BCL11B: variants seen among roughly 807,000 people sequenced by gnomAD.
BCL11B encodes the protein BCL11 transcription factor B.
A neutral mutation model predicts 49.9 loss-of-function variants in BCL11B; 8 were observed. The observed-to-expected ratio is 0.16, with a 90% CI of 0.09 to 0.29. The LOEUF (loss-of-function observed/expected upper bound fraction) is 0.29. Ranked by LOEUF, BCL11B falls within the 10% of genes least tolerant of loss-of-function variation. The pLI is 1.00. For missense variants in BCL11B, 1,006 were observed against 1,351.0 expected, an observed-to-expected ratio of 0.74 and a Z score of 4.00; for synonymous variants, 739 against 637.4, an observed-to-expected ratio of 1.16 and a Z score of -2.40.
At chr14:99,254,100 C>T (rs1171294850) in intron 2 of BCL11B, among the ~76,000 whole-genome samples, 1 of 152,182 alleles carries the variant, frequency 6.6e-6, no homozygotes, top group African/African-American at 2.4e-5. Flanking sequence ...GTTGGACGCC[C>T]GCTCCCTCCT....
At chr14:99,267,405 A>G (rs1889514572) in intron 1 of BCL11B, among the ~76,000 whole-genome samples, 1 of 152,190 alleles carries the variant, frequency 6.6e-6, no homozygotes, top group Non-Finnish European at 1.5e-5. Context: ...TCAGGTGTGA[A>G]TTACAAATGA....
At chr14:99,218,253 T>TTTTTTTTTTTTTTTC (rs1887910416) in intron 3 of BCL11B, among the ~76,000 whole-genome samples, 1 of 145,624 alleles carries the variant, frequency 6.9e-6, no homozygotes, top group Non-Finnish European at 1.5e-5. Context: ...TTTTTTTTTT[T>TTTTTTTTTTTTTTTC]GTATTTTTAC....
In BCL11B at chr14:99,247,934, T is replaced by C. The variant is rs554204502; in HGVS notation, c.427+9537A>G. 6.6e-6 allele frequency among the ~76,000 whole-genome samples: 1 copy of C among 152,338 alleles called. No individual in the cohort carries two copies. Among genetic ancestry groups the C allele is most frequent in the Non-Finnish European group, 1.5e-5 (1 of 68,030 alleles). ...GCCCTGATCAAACATTGCCTTGGCT[T>C]AGAGACAGAGCAGGCGGTCCTGGGC... On this transcript the variant is annotated intron_variant, in intron 2 of 3. Transcript: ENST00000357195. The surrounding 1 kb of genome is among the most constrained non-coding windows in gnomAD (Gnocchi z 4.5).
At position 99,218,764 on chromosome 14, in the gene BCL11B, G is replaced by A. The variant is rs116112949; in HGVS notation, c.640+12581C>T. On this transcript the variant is annotated intron_variant, in intron 3 of 3. Coordinates refer to ENST00000357195, the MANE Select transcript of BCL11B (RefSeq NM_138576.4). ...TAAGCTGTCCACAGCTAGATCCCAGGACCTGTAAATGTGAGCTTATTTAGG... is the reference window on the plus strand; with the variant it reads ...TAAGCTGTCCACAGCTAGATCCCAGAACCTGTAAATGTGAGCTTATTTAGG... Among the ~76,000 whole-genome samples, 963 of 152,276 alleles carry A rather than the reference G, an allele frequency of 6.3e-3. 10 individuals are homozygous for A. Among genetic ancestry groups the A allele is most frequent in the African/African-American group, 0.022 (922 of 41,560 alleles).
At chr14:99,187,320 C>T (rs1886881762) in intron 3 of BCL11B, among the ~76,000 whole-genome samples, 2 of 152,196 alleles carry the variant, frequency 1.3e-5, no homozygotes, top group Non-Finnish European at 2.9e-5. Flanking sequence ...TTGTGAAAAG[C>T]TACAGCACAT....
chr14:99,174,540 C>CT lies in BCL11B; in HGVS notation c.2295_2296insA (p.Gly766ArgfsTer119). The CT allele has an allele frequency of 6.6e-7, 1 of 1,512,020 alleles. No homozygotes were observed. Among genetic ancestry groups the CT allele is most frequent in the Non-Finnish European group, 8.8e-7 (1 of 1,132,426 alleles). The allele number at this position is 1,512,020 out of a possible 1,614,324, so 93.7% of individuals were successfully genotyped here. On this transcript the variant is annotated frameshift_variant, in exon 4 of 4. Transcript: ENST00000357195. LOFTEE classifies it high-confidence loss of function. ...CCTCCGCTGGCCGTGCCGCTGCGGC[C>CT]CGAGAGGCCGCCGTCCAGCAGGTCC...
chr14:99,209,718 G>A (rs915891261), intron 3 of BCL11B, among the ~76,000 whole-genome samples: 3 of 152,102 alleles, frequency 2.0e-5, no homozygotes, highest in Non-Finnish European at 4.4e-5. Flanking sequence ...TGGGTGAGAG[G>A]TGAGTGCCCT....
Position 99,169,616 on chromosome 14 carries a change from C to T in BCL11B, c.*4535G>A, listed in dbSNP as rs1458671880. ...AAAACCTCCAAGTAAACAACAAAAG[C>T]TCATACAATAAGTAATAGAAAAGGT... On this transcript the variant is annotated 3_prime_UTR_variant, in exon 4 of 4. Coordinates refer to ENST00000357195, the MANE Select transcript of BCL11B (RefSeq NM_138576.4). 2 of 210,522 alleles carry T rather than the reference C, an allele frequency of 9.5e-6. No homozygotes were observed. Among genetic ancestry groups the T allele is most frequent in the Admixed American group, 5.9e-5 (1 of 16,962 alleles). The allele number at this position is 210,522 out of a possible 1,614,324, so 13.0% of individuals were successfully genotyped here.
At chr14:99,270,228 G>A (rs374056049) in intron 1 of BCL11B, among the ~76,000 whole-genome samples, 2 of 152,174 alleles carry the variant, frequency 1.3e-5, no homozygotes, top group South Asian at 2.1e-4. Context: ...ACTGCGACCT[G>A]CCTTGTTTAT....
At chr14:99,211,649 TTCC>T (rs755008725) in intron 3 of BCL11B, among the ~76,000 whole-genome samples, 51 of 151,692 alleles carry the variant, frequency 3.4e-4, no homozygotes, top group Non-Finnish European at 5.9e-4. Context: ...CTCCACCTGG[TTCC>T]TCGAGTCCAT....
rs367954228 is a variant in BCL11B at position 99,225,482 on chromosome 14, TCC to T, written c.640+5861_640+5862del. Among the ~76,000 whole-genome samples the T allele has an allele frequency of 1.4e-3, 207 of 152,312 alleles. 7 individuals are homozygous for T. In the South Asian group the frequency reaches 0.041, roughly 30 times the overall value. On this transcript the variant is annotated intron_variant, in intron 3 of 3. Transcript: ENST00000357195. The stretch of plus-strand genomic sequence containing the variant: ...CTGCCTTGCTCTGAGGTCTCTGATG[TCC>T]TTGGCCAGTGCTGCTTCTTCACATC...
At chr14:99,233,063 T>A (rs1391594745) in intron 2 of BCL11B, among the ~76,000 whole-genome samples, 2 of 151,958 alleles carry the variant, frequency 1.3e-5, no homozygotes, top group Non-Finnish European at 2.9e-5. Context: ...CAGTAAACAG[T>A]TTCAGCCTCA....
chr14:99,180,102 C>A (rs1041289279), intron 3 of BCL11B, among the ~76,000 whole-genome samples: 2 of 152,172 alleles, frequency 1.3e-5, no homozygotes, highest in Admixed American at 6.5e-5. Context: ...GCTGTCACCC[C>A]CCTCCAGGAA....
rs940349572 is a variant in BCL11B, at chr14:99,231,989, CCT to C, written c.428-434_428-433del. Among the ~76,000 whole-genome samples the C allele has an allele frequency of 1.1e-4, 16 of 152,216 alleles. No individual in the cohort carries two copies. The highest frequency in any genetic ancestry group is 3.4e-3 in the Middle Eastern group (1 of 292). On this transcript the variant is annotated intron_variant, in intron 2 of 3. Transcript: ENST00000357195. This position sits in a 1 kb window ranked among gnomAD's most constrained non-coding sequence, Gnocchi z 8.1. The stretch of plus-strand genomic sequence containing the variant: ...AAGAGCTGGGAAGCTCACAGCCTCC[CCT>C]GTTTGCTGTATCAGGATGGGCTGTT...
chr14:99,238,439 G>T (rs1888567454), intron 2 of BCL11B, among the ~76,000 whole-genome samples: 1 of 152,174 alleles, frequency 6.6e-6, no homozygotes, highest in African/African-American at 2.4e-5. Context: ...ATACTCCAGG[G>T]CTGCTGATCC....
intron 3 of BCL11B, among the ~76,000 whole-genome samples, chr14:99,200,350 C>G (rs1887340643): frequency 6.6e-6 from 1 of 152,218 alleles, no homozygotes; most frequent in Non-Finnish European, 1.5e-5. Flanking sequence ...CATTCCCACT[C>G]ACAAAGCCCA....
chr14:99,262,837 G>A lies in BCL11B; in HGVS notation c.59-4998C>T, dbSNP rs1434336643. 6.6e-6 allele frequency: 1 copy of A among 151,562 alleles called. No homozygotes were observed. The highest frequency in any genetic ancestry group is 1.5e-5 in the Non-Finnish European group (1 of 67,918). 9.4% of individuals were successfully genotyped at this position (151,562 alleles called of 1,614,324 possible). ...CATTTTTAATTTATTGGATCCAAGA[G>A]AAAATAACAACCGTAGGGAGGGGGG... On this transcript the variant is annotated intron_variant, in intron 1 of 3. Transcript: ENST00000357195. This position sits in a 1 kb window ranked among gnomAD's most constrained non-coding sequence, Gnocchi z 4.2.
At chr14:99,179,711 C>CA (rs1304952662) in intron 3 of BCL11B, among the ~76,000 whole-genome samples, 1 of 152,120 alleles carries the variant, frequency 6.6e-6, no homozygotes, top group Non-Finnish European at 1.5e-5. Flanking sequence ...CGATGGCCTC[C>CA]AGTGCAGGAT....
At chr14:99,223,226 GT>G (rs1443607601) in intron 3 of BCL11B, among the ~76,000 whole-genome samples, 3 of 152,138 alleles carry the variant, frequency 2.0e-5, no homozygotes, top group Non-Finnish European at 4.4e-5. Context: ...TTCTCTTTCA[GT>G]TCATTCATTT....
Sources: allele counts gnomAD v4.1 joint callset (sites outside exome capture counted in the v4.1 genomes callset), GRCh38; gene constraint gnomAD v4.1.1; non-coding constraint Gnocchi (gnomAD v3.1); transcripts MANE v1.5; gene names NCBI Gene and HGNC (gene_info 2026-07-23, HGNC 2026-07-21).